Variants in PTCHD4 observed in about 807,000 individuals in gnomAD.
PTCHD4 encodes patched domain containing 4, also known as patched domain-containing protein 4.
Under a neutral mutation model 58.1 loss-of-function variants are expected in PTCHD4, and 33 were observed. The observed-to-expected ratio is 0.57, with a 90% CI of 0.43 to 0.76. The LOEUF (loss-of-function observed/expected upper bound fraction) is 0.76. PTCHD4 is among the 30% of genes least tolerant of loss of function. PTCHD4 has a pLI of 0.00. For missense variants in PTCHD4, 1,058 were observed against 1,027.1 expected, an observed-to-expected ratio of 1.03 and a Z score of -0.41; for synonymous variants, 478 against 409.6, an observed-to-expected ratio of 1.17 and a Z score of -2.02.
Position 47,879,325 on chromosome 6 carries a change from C to G in PTCHD4, c.1510G>C (p.Val504Leu), listed in dbSNP as rs1403074877. The G allele has an allele frequency of 6.2e-7, 1 of 1,612,894 alleles. No individual in the cohort carries two copies. The highest frequency in any genetic ancestry group is 1.7e-5 in the Admixed American group (1 of 59,790). ...SDSPSVSYAM[V>L]QQKYFSNYSP... is the part of the protein sequence containing the mutation. ...TAGTTGCTGAAATATTTCTGCTGAA[C>G]CATGGCATAGGAAACACTTGGCGAA... The change falls in exon 5 of 5, where the codon GTT (valine) becomes CTT (leucine). Residue 504 changes from valine (V) to leucine (L), a missense_variant. Transcript: ENST00000339488.
chr6:48,053,175 T>C (rs1281578902), intron 3 of PTCHD4, among the ~76,000 whole-genome samples: 1 of 152,008 alleles, frequency 6.6e-6, no homozygotes, highest in East Asian at 1.9e-4. Flanking sequence ...AGAAGAAGAG[T>C]ATAACATTTT....
intron 4 of PTCHD4, among the ~76,000 whole-genome samples, chr6:47,932,151 C>A (rs1477954500): frequency 6.6e-6 from 1 of 152,208 alleles, no homozygotes; most frequent in Admixed American, 6.5e-5. Flanking sequence ...CAGGGTGTGG[C>A]AGTTGAGAAC....
Position 48,069,150 on chromosome 6 carries a change from G to GT in PTCHD4, c.-194_-193insA, listed in dbSNP as rs1459407788. 1.5e-5 allele frequency among the ~76,000 whole-genome samples: 2 copies of GT among 135,344 alleles called. No individual in the cohort carries two copies. The highest frequency in any genetic ancestry group is 3.2e-5 in the Non-Finnish European group (2 of 62,466). The allele number at this position is 135,344 out of a possible 152,430, so 88.8% of individuals were successfully genotyped here. ...ACATGTGCCCCATAAAGGGGGGGGG[G>GT]GCTGAGGGGGGGAGAGGAGGGAGAA... On this transcript the variant is annotated 5_prime_UTR_variant, in exon 2 of 5. It introduces an in-frame stop codon into an upstream open reading frame of the 5' UTR. Transcript: ENST00000339488.
At chr6:48,015,018 T>C (rs572469847) in intron 3 of PTCHD4, among the ~76,000 whole-genome samples, 3 of 152,176 alleles carry the variant, frequency 2.0e-5, no homozygotes, top group Non-Finnish European at 4.4e-5. Context: ...TAGCAATGAC[T>C]CATACTCGTA....
intron 4 of PTCHD4, among the ~76,000 whole-genome samples, chr6:47,971,673 A>C (rs551646130): frequency 6.6e-6 from 1 of 152,332 alleles, no homozygotes; most frequent in African/African-American, 2.4e-5. Context: ...TGGATCTTAA[A>C]AATTTACCTC....
At chr6:47,885,963 C>T (rs550565766) in intron 4 of PTCHD4, among the ~76,000 whole-genome samples, 13 of 152,232 alleles carry the variant, frequency 8.5e-5, no homozygotes, top group African/African-American at 1.2e-4. Context: ...AGATTACAGG[C>T]ACCTGCCACC....
At chr6:47,953,896 C>T (rs866394187) in intron 4 of PTCHD4, among the ~76,000 whole-genome samples, 2 of 152,088 alleles carry the variant, frequency 1.3e-5, no homozygotes, top group Non-Finnish European at 2.9e-5. Flanking sequence ...CAATTTTTTT[C>T]CCCTAACATT....
At chr6:47,943,800 T>C (rs908176026) in intron 4 of PTCHD4, among the ~76,000 whole-genome samples, 2 of 152,092 alleles carry the variant, frequency 1.3e-5, no homozygotes, top group Non-Finnish European at 2.9e-5. Flanking sequence ...TTTAGGTTAG[T>C]ATAATCGAAA....
chr6:47,878,220 C>G lies in PTCHD4; in HGVS notation c.*83G>C. On this transcript the variant is annotated 3_prime_UTR_variant, in exon 5 of 5. Transcript: ENST00000339488. ...CTTGCCTTGTTACCCCTGGCCAGCC[C>G]AAGCAGCTGAGGTCTGAGCTTTACT... 1 of 1,326,054 alleles carries G rather than the reference C, an allele frequency of 7.5e-7. No individual in the cohort carries two copies. Among genetic ancestry groups the G allele is most frequent in the Non-Finnish European group, 1.0e-6 (1 of 965,420 alleles). 82.1% of individuals were successfully genotyped at this position (1,326,054 alleles called of 1,614,324 possible).
chr6:48,107,414 T>C (rs1159010111), intron 1 of PTCHD4, among the ~76,000 whole-genome samples: 2 of 152,086 alleles, frequency 1.3e-5, no homozygotes, highest in Non-Finnish European at 2.9e-5. Context: ...AAAGCTGAAA[T>C]GGATCCCTTC....
intron 4 of PTCHD4, among the ~76,000 whole-genome samples, chr6:47,959,663 G>T (rs1436506629): frequency 2.0e-5 from 3 of 151,894 alleles, no homozygotes; most frequent in Non-Finnish European, 4.4e-5. Context: ...AGCAGCCAAG[G>T]CAATAGGACA....
At chr6:47,882,329 G>A (rs1286266331) in intron 4 of PTCHD4, among the ~76,000 whole-genome samples, 1 of 152,042 alleles carries the variant, frequency 6.6e-6, no homozygotes, top group Admixed American at 6.6e-5. Context: ...ACAAAGGCCT[G>A]TAGGTGTAGG....
chr6:48,032,120 G>A (rs1763467589), intron 3 of PTCHD4, among the ~76,000 whole-genome samples: 1 of 151,390 alleles, frequency 6.6e-6, no homozygotes, highest in Non-Finnish European at 1.5e-5. Context: ...ATGACACATT[G>A]TAGAAAATTT....
At chr6:48,083,571 A>G (rs1483448646) in intron 1 of PTCHD4, among the ~76,000 whole-genome samples, 1 of 152,168 alleles carries the variant, frequency 6.6e-6, no homozygotes, top group Admixed American at 6.5e-5. Context: ...GTTAAAATGG[A>G]AGATTTACCA....
At chr6:47,925,046 G>A (rs146854601) in intron 4 of PTCHD4, among the ~76,000 whole-genome samples, 11 of 148,820 alleles carry the variant, frequency 7.4e-5, no homozygotes, top group African/African-American at 2.2e-4. Context: ...TATGTATAGC[G>A]CTTACAACCA....
In PTCHD4 at chr6:48,068,415, C is replaced by T; in HGVS notation, c.232G>A (p.Ala78Thr). ...CTGGCCAGGCTGCGCTCGATCTTGGCCAGGCTGTGGCTGGGAGCGACCAGG... is the reference window on the plus strand; with the variant it reads ...CTGGCCAGGCTGCGCTCGATCTTGGTCAGGCTGTGGCTGGGAGCGACCAGG... ...ERLVAPSHSL[A>T]KIERSLASSL... Residue 78 changes from alanine (A) to threonine (T), a missense_variant, in exon 3 of 5, where the codon GCC (alanine) becomes ACC (threonine). By Grantham distance (58) the Ala-to-Thr change is moderately conservative. Coordinates refer to ENST00000339488, the MANE Select transcript of PTCHD4 (RefSeq NM_001384253.1). This position sits in a 1 kb window ranked among gnomAD's most constrained non-coding sequence, Gnocchi z 4.2. The T allele has an allele frequency of 1.9e-6, 3 of 1,613,986 alleles. No individual in the cohort carries two copies. Among genetic ancestry groups the T allele is most frequent in the Non-Finnish European group, 2.5e-6 (3 of 1,179,896 alleles).
intron 1 of PTCHD4, among the ~76,000 whole-genome samples, chr6:48,098,091 C>T (rs919172477): frequency 6.6e-6 from 1 of 152,104 alleles, no homozygotes; most frequent in African/African-American, 2.4e-5. Context: ...CCACAATCAC[C>T]CAAACTGGCA....
chr6:47,878,955 C>T lies in PTCHD4; in HGVS notation c.1880G>A (p.Arg627Lys), dbSNP rs776321852. 6.2e-7 allele frequency: 1 copy of T among 1,613,010 alleles called. No homozygotes were observed. Among genetic ancestry groups the T allele is most frequent in the South Asian group, 1.1e-5 (1 of 91,086 alleles). The change falls in exon 5 of 5, where the codon AGG (arginine) becomes AAG (lysine). Residue 627 changes from arginine to lysine, a missense_variant. Coordinates refer to ENST00000339488, the MANE Select transcript of PTCHD4 (RefSeq NM_001384253.1). Reference sequence around the variant, plus strand: ...GATGCTCTTTGAGAGGGATAGGGGCCTCAGCTTTTCCAACACTTCTGTGAT... The same window carrying T: ...GATGCTCTTTGAGAGGGATAGGGGCTTCAGCTTTTCCAACACTTCTGTGAT... ...KEITEVLEKL[R>K]PLSLSKSIRF...
chr6:48,060,046 T>C (rs1764564255), intron 3 of PTCHD4, among the ~76,000 whole-genome samples: 1 of 152,258 alleles, frequency 6.6e-6, no homozygotes, highest in South Asian at 2.1e-4. Context: ...TGTGTGTGTG[T>C]GTGCTTTCTT....
Sources: gnomAD v4.1 joint callset for allele counts (sites outside exome capture counted in the v4.1 genomes callset) on GRCh38, gnomAD v4.1.1 for gene constraint, Gnocchi (gnomAD v3.1) non-coding constraint, MANE v1.5 for transcripts, NCBI Gene and HGNC (gene_info 2026-07-23, HGNC 2026-07-21) for gene names.